Variants in ACACA observed in about 807,000 individuals in gnomAD.
ACACA encodes the protein acetyl-CoA carboxylase alpha.
ACACA carries 103 observed loss-of-function variants against 296.1 expected under a neutral mutation model. The observed-to-expected ratio is 0.35, with a 90% CI of 0.30 to 0.41. The LOEUF (loss-of-function observed/expected upper bound fraction) is 0.41. ACACA is among the 10% of genes least tolerant of loss of function. ACACA has a pLI of 1.00. For missense variants in ACACA, 1,554 were observed against 2,989.7 expected, an observed-to-expected ratio of 0.52 and a Z score of 11.20; for synonymous variants, 953 against 1,038.6, an observed-to-expected ratio of 0.92 and a Z score of 1.58.
chr17:37,211,784 A>G (rs1435890250), intron 29 of ACACA, among the ~76,000 whole-genome samples: 1 of 152,226 alleles, frequency 6.6e-6, no homozygotes, highest in Admixed American at 6.5e-5. Flanking sequence ...TGTGAGTAGA[A>G]ATGCTCTTTG....
intron 29 of ACACA, among the ~76,000 whole-genome samples, chr17:37,217,650 G>A (rs1259774204): frequency 2.8e-5 from 4 of 143,338 alleles, no homozygotes; most frequent in East Asian, 2.1e-4. Flanking sequence ...CAGGATAATC[G>A]CTTGAACCCA....
chr17:37,327,116 G>A (rs575107496), intron 3 of ACACA, among the ~76,000 whole-genome samples: 5 of 152,234 alleles, frequency 3.3e-5, no homozygotes, highest in East Asian at 3.9e-4. Context: ...TAGGCTATTC[G>A]TTCTAAGAGC....
chr17:37,098,007 G>A (rs199841623), intron 52 of ACACA, 23 bp from the exon 53 acceptor site: 166 of 1,614,034 alleles, frequency 1.0e-4, no homozygotes, highest in Middle Eastern at 4.9e-4. Flanking sequence ...AAACATGCCC[G>A]TCACACTCTG....
At chr17:37,143,125 C>T (rs779445628) in intron 45 of ACACA, among the ~76,000 whole-genome samples, 13 of 151,692 alleles carry the variant, frequency 8.6e-5, no homozygotes, top group Non-Finnish European at 1.5e-4. Context: ...ATAAATTGCC[C>T]GAGGTCACAC....
rs754907336 is a variant in ACACA, at chr17:37,207,737, T to C, written c.3771A>G (p.Val1257=). 6 of 1,613,858 alleles carry C rather than the reference T, an allele frequency of 3.7e-6. No individual in the cohort carries two copies. Among genetic ancestry groups the C allele is most frequent in the African/African-American group, 1.3e-5 (1 of 74,906 alleles). ...GMTHVASVSD[V]LLDNSFTPPC... is the part of the protein sequence containing the mutation. ...GTGGAGTGAATGAGTTGTCCAACAG[T>C]ACATCGCTGACACTAGCTACATGGG... is the stretch of plus-strand genomic sequence containing the variant. The change falls in exon 31 of 56, where the codon GTA becomes GTG. Residue 1257 remains valine, a synonymous_variant. Coordinates refer to ENST00000616317, the MANE Select transcript of ACACA (RefSeq NM_198834.3).
At chr17:37,160,792 T>A (rs762205524) in intron 42 of ACACA, among the ~76,000 whole-genome samples, 21 of 151,954 alleles carry the variant, frequency 1.4e-4, no homozygotes, top group Non-Finnish European at 2.5e-4. Context: ...CAGATAGGAA[T>A]GAAATGAGGT....
At chr17:37,215,464 C>A (rs1047310337) in intron 29 of ACACA, among the ~76,000 whole-genome samples, 7 of 152,026 alleles carry the variant, frequency 4.6e-5, no homozygotes, top group African/African-American at 1.7e-4. Context: ...TTGTGTACTC[C>A]CAGACTGTCA....
At chr17:37,359,012 C>G in intron 1 of ACACA, 1 of 985,680 alleles carries the variant, frequency 1.0e-6, no homozygotes, top group Non-Finnish European at 1.2e-6. Flanking sequence ...AGGGTGGCAA[C>G]GTGTGCGGTC....
intron 1 of ACACA, among the ~76,000 whole-genome samples, chr17:37,342,187 T>C (rs1175589427): frequency 2.0e-5 from 3 of 151,588 alleles, no homozygotes; most frequent in Non-Finnish European, 4.4e-5. Flanking sequence ...GACGGGCAGA[T>C]CACTTAAGGT....
chr17:37,263,213 C>T lies in ACACA; in HGVS notation c.1329+472G>A, dbSNP rs77170556. ...TCAGGCCTCTAAACTATAGTTATTC[C>T]GAAGGCATCGCTCATGACTTTGAGA... On this transcript the variant is annotated intron_variant, in intron 11 of 55. Coordinates refer to ENST00000616317, the MANE Select transcript of ACACA (RefSeq NM_198834.3). 8.1e-3 allele frequency among the ~76,000 whole-genome samples: 1,233 copies of T among 152,204 alleles called. 8 individuals are homozygous for T. The highest frequency in any genetic ancestry group is 0.027 in the Middle Eastern group (8 of 294).
At chr17:37,273,060 ACT>A (rs1440383022) in intron 9 of ACACA, among the ~76,000 whole-genome samples, 1 of 152,140 alleles carries the variant, frequency 6.6e-6, no homozygotes, top group Non-Finnish European at 1.5e-5. Flanking sequence ...AAGAGCTTCT[ACT>A]CTTTTGCAAA....
At chr17:37,101,096 A>AC (rs56709151) in intron 52 of ACACA, among the ~76,000 whole-genome samples, 51,770 of 150,544 alleles carry the variant, frequency 0.34, 12,893 homozygotes, top group African/African-American at 0.69. Context: ...GAAAAAAAAA[A>AC]AAAAAAAAAG....
rs2072209679 is a variant in ACACA at position 37,086,483 on chromosome 17, GGC to G, written c.*831_*832del. On this transcript the variant is annotated 3_prime_UTR_variant, in exon 56 of 56. Transcript: ENST00000616317. ...TTCTGGCTCCTCCTCTGCCAACTCA[GGC>G]TTCACCACCTGTGGAACTGCTGGGG... 6.6e-6 allele frequency: 1 copy of G among 152,348 alleles called. No individual in the cohort carries two copies. The highest frequency in any genetic ancestry group is 6.5e-5 in the Admixed American group (1 of 15,290). 9.4% of individuals were successfully genotyped at this position (152,348 alleles called of 1,614,324 possible).
intron 1 of ACACA, among the ~76,000 whole-genome samples, chr17:37,396,980 T>A (rs139885948): frequency 1.3e-5 from 2 of 152,284 alleles, no homozygotes; most frequent in Non-Finnish European, 2.9e-5. Flanking sequence ...GTTGGTTTGC[T>A]GCACCCATTA....
At chr17:37,328,162 G>A (rs1442462575) in intron 3 of ACACA, among the ~76,000 whole-genome samples, 1 of 152,200 alleles carries the variant, frequency 6.6e-6, no homozygotes, top group Non-Finnish European at 1.5e-5. Context: ...AAGTAGAGTA[G>A]AAAAGTTAGT....
intron 1 of ACACA, among the ~76,000 whole-genome samples, chr17:37,372,922 C>A (rs2049859422): frequency 6.6e-6 from 1 of 151,792 alleles, no homozygotes; most frequent in Non-Finnish European, 1.5e-5. Context: ...GCACTGTCAC[C>A]CAGGCTGGAG....
At chr17:37,260,906 C>T (rs2081487172) in intron 11 of ACACA, among the ~76,000 whole-genome samples, 1 of 152,016 alleles carries the variant, frequency 6.6e-6, no homozygotes, top group African/African-American at 2.4e-5. Flanking sequence ...TTTTTTGGAC[C>T]TTTTTGTTAT....
At chr17:37,214,899 G>A (rs1197090553) in intron 29 of ACACA, among the ~76,000 whole-genome samples, 1 of 152,186 alleles carries the variant, frequency 6.6e-6, no homozygotes, top group African/African-American at 2.4e-5. Flanking sequence ...GAGTATCTCA[G>A]TACTATCCAA....
chr17:37,223,181 G>A (rs1224875768), intron 28 of ACACA, among the ~76,000 whole-genome samples: 3 of 152,138 alleles, frequency 2.0e-5, no homozygotes, highest in Non-Finnish European at 4.4e-5. Flanking sequence ...CACATGCTCT[G>A]ATCAGCCATA....
Sources: gnomAD v4.1 joint callset for allele counts (sites outside exome capture counted in the v4.1 genomes callset) on GRCh38, gnomAD v4.1.1 for gene constraint, MANE v1.5 for transcripts, NCBI Gene and HGNC (gene_info 2026-07-23, HGNC 2026-07-21) for gene names.